The following KATNAL2 variants were observed in gnomAD, a reference collection of about 807,000 sequenced individuals.
KATNAL2 encodes katanin p60 ATPase-containing subunit A-like 2.
KATNAL2 carries 52 observed loss-of-function variants against 76.3 expected under a neutral mutation model. The ratio of observed to expected loss-of-function variants is 0.68; its 90% CI spans 0.55 to 0.86. The LOEUF is 0.86. Ranked by LOEUF, KATNAL2 falls within the 40% of genes least tolerant of loss-of-function variation. The pLI is 0.00. For missense variants in KATNAL2, 660 were observed against 668.9 expected, an observed-to-expected ratio of 0.99 and a Z score of 0.15; for synonymous variants, 243 against 244.2, an observed-to-expected ratio of 1.00 and a Z score of 0.05.
chr18:46,947,458 A>G (rs2059415447), intron 3 of KATNAL2, among the ~76,000 whole-genome samples: 1 of 152,164 alleles, frequency 6.6e-6, no homozygotes, highest in South Asian at 2.1e-4. Flanking sequence ...GCTCTACAAT[A>G]CATTAAGTGG....
chr18:47,101,041 C>G lies in KATNAL2; in HGVS notation c.*36C>G, dbSNP rs2063431718. 1 of 1,609,352 alleles carries G rather than the reference C, an allele frequency of 6.2e-7. No individual in the cohort carries two copies. The highest frequency in any genetic ancestry group is 1.3e-5 in the African/African-American group (1 of 74,846). On this transcript the variant is annotated 3_prime_UTR_variant, in exon 18 of 18. Transcript: ENST00000683218. ...ACCCTGACCTGGCCACAAAGGCAAC[C>G]ACAAAGACCTCCTAGTTTATTAATG...
chr18:47,060,443 AT>A (rs2061598930), intron 8 of KATNAL2, among the ~76,000 whole-genome samples: 1 of 152,148 alleles, frequency 6.6e-6, no homozygotes, highest in Admixed American at 6.5e-5. Flanking sequence ...CTTGATAGAT[AT>A]TTTTACCTTT....
chr18:46,925,250 C>T (rs933703419), intron 1 of KATNAL2, among the ~76,000 whole-genome samples: 16 of 152,174 alleles, frequency 1.1e-4, no homozygotes, highest in East Asian at 1.9e-4. Flanking sequence ...TTTTGAGATA[C>T]GTCCCATCAG....
intron 1 of KATNAL2, among the ~76,000 whole-genome samples, chr18:46,942,654 A>G (rs62095392): frequency 2.0e-5 from 3 of 152,126 alleles, no homozygotes; most frequent in African/African-American, 7.2e-5. Context: ...ATTTTGTTCT[A>G]TTATAATATC....
At chr18:47,054,906 G>A (rs923566754) in intron 6 of KATNAL2, among the ~76,000 whole-genome samples, 4 of 152,230 alleles carry the variant, frequency 2.6e-5, no homozygotes, top group Admixed American at 1.3e-4. Flanking sequence ...CAGGAGGTGT[G>A]AGCTCAGGCT....
chr18:47,043,554 G>A (rs952353043), intron 3 of KATNAL2, among the ~76,000 whole-genome samples: 1 of 152,156 alleles, frequency 6.6e-6, no homozygotes, highest in African/African-American at 2.4e-5. Flanking sequence ...AGAAGAGAAA[G>A]ATTCAGTTTC....
intron 3 of KATNAL2, among the ~76,000 whole-genome samples, chr18:47,024,725 T>C (rs1490179389): frequency 1.5e-5 from 1 of 64,656 alleles, no homozygotes; most frequent in East Asian, 5.2e-4. Flanking sequence ...CCCCGCCGTC[T>C]AGCCCATCCC....
intron 6 of KATNAL2, among the ~76,000 whole-genome samples, chr18:47,056,084 T>C (rs2061463511): frequency 6.6e-6 from 1 of 152,216 alleles, no homozygotes; most frequent in Non-Finnish European, 1.5e-5. Flanking sequence ...TAATCCCCAC[T>C]TAAAGATTTG....
chr18:47,057,825 C>T (rs1357639160), intron 6 of KATNAL2, among the ~76,000 whole-genome samples: 1 of 152,178 alleles, frequency 6.6e-6, no homozygotes, highest in Non-Finnish European at 1.5e-5. Context: ...CCTACTGTTT[C>T]TTAGTTTGAA....
At chr18:46,957,494 T>C (rs1198219588) in intron 3 of KATNAL2, among the ~76,000 whole-genome samples, 3 of 151,338 alleles carry the variant, frequency 2.0e-5, no homozygotes, top group Non-Finnish European at 4.4e-5. Context: ...GAACTCGTGA[T>C]CTGCCCGCCT....
intron 1 of KATNAL2, among the ~76,000 whole-genome samples, chr18:46,934,097 G>T (rs541679698): frequency 3.3e-5 from 5 of 152,044 alleles, no homozygotes; most frequent in Non-Finnish European, 7.4e-5. Flanking sequence ...GAATAGTGCC[G>T]CTATAAACAC....
chr18:47,041,778 TA>T (rs1052585086), intron 3 of KATNAL2, among the ~76,000 whole-genome samples: 152 of 152,332 alleles, frequency 1.0e-3, no homozygotes, highest in Middle Eastern at 3.4e-3. Context: ...GTCTTTACTT[TA>T]AAAAAACCTG....
intron 15 of KATNAL2, among the ~76,000 whole-genome samples, chr18:47,096,909 G>A (rs1599884332): frequency 6.6e-6 from 1 of 151,970 alleles, no homozygotes; most frequent in Non-Finnish European, 1.5e-5. Context: ...AGGCTGAGGC[G>A]GGTGGACTGC....
chr18:46,955,077 TCCTTCCTCCCTC>T (rs758065723), intron 3 of KATNAL2, among the ~76,000 whole-genome samples: 5 of 142,556 alleles, frequency 3.5e-5, no homozygotes, highest in Non-Finnish European at 7.7e-5. Context: ...TGTGTCAATT[TCCTTCCTCCCTC>T]CCTTCCTCCC....
At chr18:47,045,309 T>TTTTTCTTTTCTTTTC (rs971657545) in intron 3 of KATNAL2, among the ~76,000 whole-genome samples, 58 of 145,108 alleles carry the variant, frequency 4.0e-4, no homozygotes, top group African/African-American at 1.4e-3. Flanking sequence ...GGTTTGTTTG[T>TTTTTCTTTTCTTTTC]TTTTCTTTTC....
chr18:47,093,452 A>T (rs2063091808), intron 15 of KATNAL2, among the ~76,000 whole-genome samples: 1 of 144,412 alleles, frequency 6.9e-6, no homozygotes. Context: ...TCCTGTAATA[A>T]TGTTCTCATT....
chr18:47,069,815 G>A (rs2061933199), intron 13 of KATNAL2, among the ~76,000 whole-genome samples: 1 of 152,072 alleles, frequency 6.6e-6, no homozygotes, highest in Non-Finnish European at 1.5e-5. Context: ...CTTCCTTTGG[G>A]AATTTGATCA....
chr18:47,045,125 T>A (rs1371259496), intron 3 of KATNAL2, among the ~76,000 whole-genome samples: 1 of 151,344 alleles, frequency 6.6e-6, no homozygotes, highest in South Asian at 2.1e-4. Flanking sequence ...AGAAAAAAAA[T>A]GGTTAAAATG....
intron 6 of KATNAL2, among the ~76,000 whole-genome samples, chr18:47,057,248 G>C (rs1427888585): frequency 6.6e-6 from 1 of 152,220 alleles, no homozygotes; most frequent in Non-Finnish European, 1.5e-5. Context: ...TTCTGCAAAT[G>C]CATCTCACAT....
Sources: allele counts gnomAD v4.1 joint callset (sites outside exome capture counted in the v4.1 genomes callset), GRCh38; gene constraint gnomAD v4.1.1; transcripts MANE v1.5; gene names NCBI Gene and HGNC (gene_info 2026-07-23, HGNC 2026-07-21).